WDPCP: variants seen among roughly 807,000 people sequenced by gnomAD.
The protein encoded by WDPCP is WD repeat-containing and planar cell polarity effector protein fritz homolog.
WDPCP carries 71 observed loss-of-function variants against 93.1 expected under a neutral mutation model. The ratio of observed to expected loss-of-function variants is 0.76; its 90% CI spans 0.63 to 0.93. The LOEUF is 0.93. WDPCP is among the 40% of genes least tolerant of loss of function. The probability of loss-of-function intolerance (pLI) is 0.00; values close to 1 mark genes in which losing one functional copy is unlikely to be tolerated. For synonymous variants in WDPCP, 315 were observed against 315.0 expected (o/e 1.00, Z 0.00); for missense variants, 844 against 887.4 (o/e 0.95, Z 0.62).
chr2:63,589,423 T>A, upstream of WDPCP: 1 of 1,529,684 alleles, frequency 6.5e-7, no homozygotes, highest in Non-Finnish European at 8.9e-7. Context: ...CTAACCCCTT[T>A]TTCTCCTCAT....
rs562004000 is a variant in WDPCP at position 63,400,836 on chromosome 2, AC to A, written c.1435+3211del. On this transcript the variant is annotated intron_variant, in intron 10 of 17. Transcript: ENST00000272321. ...AAAGAAGAGACACCTCAGAAATAAC[AC>A]CACACATCTACAACTATCTGATCTT... 1.7e-3 allele frequency among the ~76,000 whole-genome samples: 260 copies of A among 152,208 alleles called. 3 individuals are homozygous for A. Among genetic ancestry groups the A allele is most frequent in the African/African-American group, 6.0e-3 (249 of 41,550 alleles).
At chr2:63,809,843 C>G (rs1013680967) in intron 2 of WDPCP, among the ~76,000 whole-genome samples, 2 of 152,124 alleles carry the variant, frequency 1.3e-5, no homozygotes, top group Non-Finnish European at 2.9e-5. Context: ...TGCTGACCTT[C>G]CCTCCACTGT....
At chr2:63,180,248 G>T (rs891273784) in intron 14 of WDPCP, among the ~76,000 whole-genome samples, 1 of 152,062 alleles carries the variant, frequency 6.6e-6, no homozygotes, top group Non-Finnish European at 1.5e-5. Flanking sequence ...TTGTTACATG[G>T]ATATACTGTG....
At chr2:63,202,307 G>C (rs1478734454) in intron 14 of WDPCP, among the ~76,000 whole-genome samples, 1 of 151,854 alleles carries the variant, frequency 6.6e-6, no homozygotes, top group Non-Finnish European at 1.5e-5. Context: ...TTTCACATCA[G>C]GGTGTATTTT....
chr2:63,622,468 C>G (rs570626884), intron 3 of WDPCP: 3 of 1,613,780 alleles, frequency 1.9e-6, no homozygotes, highest in Non-Finnish European at 2.5e-6. Flanking sequence ...TCAGTCCAGC[C>G]GCTGTTGTCA....
At chr2:63,656,060 C>A (rs2092675657) in intron 2 of WDPCP, among the ~76,000 whole-genome samples, 1 of 152,180 alleles carries the variant, frequency 6.6e-6, no homozygotes, top group African/African-American at 2.4e-5. Flanking sequence ...AACCTCTTTG[C>A]AAGCCCTGTG....
intron 14 of WDPCP, among the ~76,000 whole-genome samples, chr2:63,200,671 G>A (rs1675834151): frequency 6.6e-6 from 1 of 151,892 alleles, no homozygotes; most frequent in South Asian, 2.1e-4. Context: ...CCCAGAGGCT[G>A]GAAAGGGTAG....
intron 3 of WDPCP, among the ~76,000 whole-genome samples, chr2:63,611,717 A>G (rs1023888838): frequency 6.6e-6 from 1 of 152,208 alleles, no homozygotes; most frequent in African/African-American, 2.4e-5. Context: ...ACAAACTAAA[A>G]TGGTTACTGA....
chr2:63,510,292 A>G (rs1375436298), intron 1 of WDPCP, among the ~76,000 whole-genome samples: 1 of 152,238 alleles, frequency 6.6e-6, no homozygotes, highest in Non-Finnish European at 1.5e-5. Context: ...CAAATCAATA[A>G]GCATAATTCA....
intron 12 of WDPCP, among the ~76,000 whole-genome samples, chr2:63,346,433 T>G (rs1689194032): frequency 6.6e-6 from 1 of 152,134 alleles, no homozygotes; most frequent in Admixed American, 6.5e-5. Flanking sequence ...AATGCACCCC[T>G]CAGATTTCTG....
chr2:63,654,804 T>C (rs1710147055), intron 2 of WDPCP, among the ~76,000 whole-genome samples: 1 of 151,826 alleles, frequency 6.6e-6, no homozygotes, highest in African/African-American at 2.4e-5. Context: ...ATAATTGTTA[T>C]ACTGTATTGG....
chr2:63,462,404 T>G (rs1402015651), intron 6 of WDPCP, among the ~76,000 whole-genome samples: 1 of 152,074 alleles, frequency 6.6e-6, no homozygotes, highest in East Asian at 1.9e-4. Flanking sequence ...ATGTAAATGA[T>G]GAGCTAATGG....
At chr2:63,610,035 C>A (rs978192453) in intron 3 of WDPCP, among the ~76,000 whole-genome samples, 2 of 152,052 alleles carry the variant, frequency 1.3e-5, no homozygotes, top group African/African-American at 4.8e-5. Context: ...TCTCTTTATG[C>A]CATTTTTTTA....
At chr2:63,259,973 G>T (rs185944754) in intron 13 of WDPCP, among the ~76,000 whole-genome samples, 278 of 152,258 alleles carry the variant, frequency 1.8e-3, no homozygotes, top group Non-Finnish European at 2.9e-3. Context: ...TAAACCAATA[G>T]TTAATTACAA....
intron 2 of WDPCP, among the ~76,000 whole-genome samples, chr2:63,657,457 C>T (rs920994754): frequency 1.8e-4 from 28 of 152,162 alleles, no homozygotes; most frequent in Non-Finnish European, 3.7e-4. Context: ...CTGCCCGCCT[C>T]GGCCTCCCAA....
chr2:63,765,790 G>A (rs142390074), intron 2 of WDPCP, among the ~76,000 whole-genome samples: 5 of 152,310 alleles, frequency 3.3e-5, no homozygotes, highest in African/African-American at 1.2e-4. Context: ...GGGCACATGT[G>A]TTTGTTCATC....
intron 3 of WDPCP, among the ~76,000 whole-genome samples, chr2:63,647,260 C>T (rs754654544): frequency 5.3e-5 from 8 of 152,104 alleles, no homozygotes; most frequent in South Asian, 2.1e-4. Context: ...GCCTCAGCCT[C>T]CTGAGTAGCT....
At position 63,409,683 on chromosome 2, in the gene WDPCP, T is replaced by C. The variant is rs1694883187; in HGVS notation, c.826-5026A>G. ...GTGAAAGGAGAAATATTCAAGGAAA[T>C]AGAGAGCTTAAAGAAAAAACAGTGA... On this transcript the variant is annotated intron_variant, in intron 9 of 17. Coordinates refer to ENST00000272321, the MANE Select transcript of WDPCP (RefSeq NM_015910.7). Among the ~76,000 whole-genome samples, 3 of 152,024 alleles carry C rather than the reference T, an allele frequency of 2.0e-5. No homozygotes were observed. In the South Asian group the frequency reaches 6.3e-4, roughly 32 times the overall value.
intron 1 of WDPCP, among the ~76,000 whole-genome samples, chr2:63,565,264 C>T (rs968594407): frequency 4.6e-5 from 7 of 152,038 alleles, no homozygotes; most frequent in East Asian, 1.9e-4. Flanking sequence ...AAAAGTAATG[C>T]GTTATTTTTT....
Sources: gnomAD v4.1 joint callset for allele counts (sites outside exome capture counted in the v4.1 genomes callset) on GRCh38, gnomAD v4.1.1 for gene constraint, MANE v1.5 for transcripts, NCBI Gene and HGNC (gene_info 2026-07-23, HGNC 2026-07-21) for gene names.